PRSS22: variants seen among roughly 807,000 people sequenced by gnomAD.
The protein encoded by PRSS22 is brain-specific serine protease 4.
In PRSS22, 26 loss-of-function variants were observed where a neutral mutation model predicts 28.0. The ratio of observed to expected loss-of-function variants is 0.93; its 90% CI spans 0.68 to 1.29. PRSS22 has a LOEUF of 1.29. Among genes scored for constraint, PRSS22 ranks in the 50% most tolerant of loss-of-function variants. The pLI, the probability that PRSS22 is intolerant of heterozygous loss-of-function variation, is 0.00. For missense variants in PRSS22, 444 were observed against 422.1 expected (o/e 1.05, Z -0.46); for synonymous variants, 217 against 177.9 (o/e 1.22, Z -1.75).
At chr16:2,857,197 G>C in intron 1 of PRSS22, 1 of 279,680 alleles carries the variant, frequency 3.6e-6, no homozygotes, top group Non-Finnish European at 7.1e-6. Flanking sequence ...GGTCCCCAGC[G>C]CCCAGTGAGG....
chr16:2,854,495 A>G (rs184116897), intron 4 of PRSS22: 12 of 159,216 alleles, frequency 7.5e-5, no homozygotes, highest in Non-Finnish European at 1.4e-4. Flanking sequence ...GAGATCATGG[A>G]GAGGTTGCAA....
In PRSS22 at chr16:2,854,037, G is replaced by T. The variant is rs540599572; in HGVS notation, c.560-15C>A. 1 of 1,614,042 alleles carries T rather than the reference G, an allele frequency of 6.2e-7. No individual in the cohort carries two copies. The highest frequency in any genetic ancestry group is 1.1e-5 in the South Asian group (1 of 91,080). ...GGGCAAGGGAACTGGGAGGAAAGAG[G>T]ACAGAATCAGGTTTGGGGGTCTCCC... On this transcript the variant is annotated splice_polypyrimidine_tract_variant and intron_variant, in intron 4 of 5. Coordinates refer to ENST00000161006, the MANE Select transcript of PRSS22 (RefSeq NM_022119.4).
Position 2,855,709 on chromosome 16 carries a change from T to G in PRSS22, c.424A>C (p.Ile142Leu). The G allele has an allele frequency of 6.2e-7, 1 of 1,614,168 alleles. No individual in the cohort carries two copies. The highest frequency in any genetic ancestry group is 1.1e-5 in the South Asian group (1 of 91,082). ...YSWKEGACAD[I>L]ALVRLERSIQ... ...GAGCGCTCGAGACGCACCAGGGCAATGTCTGCACAGGCACCTTCCTTCCAG... is the reference window on the plus strand; with the variant it reads ...GAGCGCTCGAGACGCACCAGGGCAAGGTCTGCACAGGCACCTTCCTTCCAG... The change falls in exon 4 of 6, where the codon ATT (isoleucine) becomes CTT (leucine). Residue 142 changes from isoleucine to leucine, a missense_variant. Ile to Leu is a conservative substitution (Grantham distance 5, BLOSUM62 2). Coordinates refer to ENST00000161006, the MANE Select transcript of PRSS22 (RefSeq NM_022119.4).
chr16:2,853,045 T>TCCA lies in PRSS22; in HGVS notation c.*47_*48insTGG. ...AGGCCGCCGCAGATCCAGATCCAGATGTGGATCTGGCCGCCTTTCAGATCC... is the reference window on the plus strand; with the variant it reads ...AGGCCGCCGCAGATCCAGATCCAGATCCAGTGGATCTGGCCGCCTTTCAGATCC... On this transcript the variant is annotated 3_prime_UTR_variant, in exon 6 of 6. Transcript: ENST00000161006. This position sits in a 1 kb window ranked among gnomAD's most constrained non-coding sequence, Gnocchi z 4.6. 1.5e-6 allele frequency: 2 copies of TCCA among 1,297,246 alleles called. No homozygotes were observed. The highest frequency in any genetic ancestry group is 2.3e-5 in the Admixed American group (1 of 42,628). 80.4% of individuals were successfully genotyped at this position (1,297,246 alleles called of 1,614,324 possible). A position where few individuals can be genotyped will look rare whatever the true frequency, so the allele number is the denominator to read the frequency against.
intron 4 of PRSS22, 50 bp from the exon 5 acceptor site, chr16:2,854,072 G>A (rs746076557): frequency 1.0e-5 from 16 of 1,605,378 alleles, no homozygotes; most frequent in Middle Eastern, 3.3e-4. Flanking sequence ...CCTCCTCGTT[G>A]CCTCCTCAAA....
chr16:2,855,553 T>C, intron 4 of PRSS22, 21 bp downstream of exon 4: 2 of 1,613,170 alleles, frequency 1.2e-6, no homozygotes, highest in Non-Finnish European at 1.7e-6. Context: ...CCCAACCACC[T>C]TGGAGAGGAA....
chr16:2,853,049 G>GC lies in PRSS22; in HGVS notation c.*43_*44insG. 7.5e-7 allele frequency: 1 copy of GC among 1,342,086 alleles called. No homozygotes were observed. The highest frequency in any genetic ancestry group is 1.0e-6 in the Non-Finnish European group (1 of 990,086). 83.1% of individuals were successfully genotyped at this position (1,342,086 alleles called of 1,614,324 possible). The stretch of plus-strand genomic sequence containing the variant: ...CGCCGCAGATCCAGATCCAGATGTG[G>GC]ATCTGGCCGCCTTTCAGATCCGAGC... On this transcript the variant is annotated 3_prime_UTR_variant, in exon 6 of 6. Coordinates refer to ENST00000161006, the MANE Select transcript of PRSS22 (RefSeq NM_022119.4). This position sits in a 1 kb window ranked among gnomAD's most constrained non-coding sequence, Gnocchi z 4.6.
Sources: gnomAD v4.1 joint callset for allele counts on GRCh38, gnomAD v4.1.1 for gene constraint, Gnocchi (gnomAD v3.1) non-coding constraint, MANE v1.5 for transcripts, NCBI Gene and HGNC (gene_info 2026-07-23, HGNC 2026-07-21) for gene names.